STXBP5L: variants seen among roughly 807,000 people sequenced by gnomAD.
STXBP5L encodes the protein syntaxin-binding protein 5-like.
In STXBP5L, 65 loss-of-function variants were observed where a neutral mutation model predicts 144.5. That is an observed-to-expected ratio of 0.45 (90% CI 0.37 to 0.55). The LOEUF (loss-of-function observed/expected upper bound fraction) is 0.55, where lower values mean the gene tolerates loss of function less well. Among genes scored for constraint, STXBP5L ranks in the 20% least tolerant of loss-of-function variants. The pLI is 0.00. For synonymous variants in STXBP5L, 505 were observed against 469.6 expected (o/e 1.08, Z -0.97); for missense variants, 1,298 against 1,405.5 (o/e 0.92, Z 1.22).
At chr3:121,136,174 C>G (rs2045249319) in intron 7 of STXBP5L, among the ~76,000 whole-genome samples, 1 of 152,006 alleles carries the variant, frequency 6.6e-6, no homozygotes, top group South Asian at 2.1e-4. Flanking sequence ...TCCCTTTTTC[C>G]AACACCAGGC....
At chr3:121,050,324 T>G (rs566098312) in intron 5 of STXBP5L, among the ~76,000 whole-genome samples, 1 of 152,310 alleles carries the variant, frequency 6.6e-6, no homozygotes, top group South Asian at 2.1e-4. Flanking sequence ...TAGTCCTAAT[T>G]CTGGTTATTT....
At chr3:121,206,372 A>G (rs2048336113) in intron 10 of STXBP5L, among the ~76,000 whole-genome samples, 1 of 152,238 alleles carries the variant, frequency 6.6e-6, no homozygotes, top group Non-Finnish European at 1.5e-5. Context: ...CTATACTTTA[A>G]GATCTTACAT....
At chr3:120,960,507 C>T (rs1938643149) in intron 3 of STXBP5L, among the ~76,000 whole-genome samples, 1 of 152,166 alleles carries the variant, frequency 6.6e-6, no homozygotes, top group Non-Finnish European at 1.5e-5. Context: ...TTGGAACCAA[C>T]CCAAATGTCC....
intron 20 of STXBP5L, among the ~76,000 whole-genome samples, chr3:121,372,757 G>A (rs941298892): frequency 8.6e-5 from 13 of 151,816 alleles, no homozygotes; most frequent in African/African-American, 3.1e-4. Flanking sequence ...GGTGGGAGAT[G>A]TTCCCCTGGC....
At chr3:121,256,240 A>C (rs2050202624) in intron 16 of STXBP5L, among the ~76,000 whole-genome samples, 1 of 152,082 alleles carries the variant, frequency 6.6e-6, no homozygotes, top group South Asian at 2.1e-4. Context: ...AGCACTCAAT[A>C]ATTGGTAACT....
intron 11 of STXBP5L, among the ~76,000 whole-genome samples, chr3:121,227,932 CA>C (rs1316022800): frequency 2.0e-5 from 3 of 152,112 alleles, no homozygotes; most frequent in Non-Finnish European, 4.4e-5. Flanking sequence ...AATATCTGTA[CA>C]AGATGAGAGA....
Position 121,413,065 on chromosome 3 carries a change from C to A in STXBP5L, c.2949-93C>A, listed in dbSNP as rs182830672. 412 of 1,014,330 alleles carry A rather than the reference C, an allele frequency of 4.1e-4. 3 individuals are homozygous for A. The African/African-American group carries it at 5.6e-3, about 14-fold the overall frequency. The allele number at this position is 1,014,330 out of a possible 1,614,324, so 62.8% of individuals were successfully genotyped here. On this transcript the variant is annotated intron_variant, in intron 23 of 26. Coordinates refer to ENST00000471454, the MANE Select transcript of STXBP5L (RefSeq NM_001308330.2). The stretch of plus-strand genomic sequence containing the variant: ...AAATAAAAAAATAAAAAGAAACAAC[C>A]ATAAAATAATAGAATAAAAATTACT...
At chr3:121,197,455 C>T (rs886502836) in intron 9 of STXBP5L, among the ~76,000 whole-genome samples, 5 of 151,996 alleles carry the variant, frequency 3.3e-5, no homozygotes, top group African/African-American at 1.2e-4. Context: ...GATTTTTTAA[C>T]ATTAAATGAA....
At chr3:121,036,257 C>G (rs567318113) in intron 3 of STXBP5L, among the ~76,000 whole-genome samples, 2 of 152,092 alleles carry the variant, frequency 1.3e-5, no homozygotes, top group Admixed American at 6.6e-5. Context: ...CGCTTGAACC[C>G]AGGAGGCAGA....
chr3:121,195,015 A>G (rs1415145948), intron 9 of STXBP5L, among the ~76,000 whole-genome samples: 1 of 145,622 alleles, frequency 6.9e-6, no homozygotes, highest in Non-Finnish European at 1.5e-5. Flanking sequence ...TCCTACGTTC[A>G]AGTGATTCTT....
intron 24 of STXBP5L, among the ~76,000 whole-genome samples, chr3:121,413,794 T>G (rs1465778867): frequency 6.6e-6 from 1 of 152,220 alleles, no homozygotes; most frequent in Non-Finnish European, 1.5e-5. Flanking sequence ...AGAAACAGGA[T>G]AGATATAAAT....
At chr3:121,373,068 T>C (rs937930705) in intron 20 of STXBP5L, among the ~76,000 whole-genome samples, 2 of 152,236 alleles carry the variant, frequency 1.3e-5, no homozygotes, top group Non-Finnish European at 2.9e-5. Flanking sequence ...TATCTCAGTA[T>C]ATTAGGAACC....
At chr3:121,192,293 T>C (rs936874050) in intron 9 of STXBP5L, among the ~76,000 whole-genome samples, 4 of 152,108 alleles carry the variant, frequency 2.6e-5, no homozygotes, top group African/African-American at 9.7e-5. Flanking sequence ...CAAGGAGAAC[T>C]ACAAACCACT....
Position 121,278,916 on chromosome 3 carries a change from G to T in STXBP5L, c.1959-889G>T, listed in dbSNP as rs141786678. Among the ~76,000 whole-genome samples, 464 of 151,448 alleles carry T rather than the reference G, an allele frequency of 3.1e-3. 5 individuals carry two copies. Among genetic ancestry groups the T allele is most frequent in the African/African-American group, 0.011 (447 of 41,342 alleles). ...ATCTAGTATGGGTAGAAGTGTTGTTGTTGTTGTGTTTTAACTTGTGTAGTG... is the reference window on the plus strand; with the variant it reads ...ATCTAGTATGGGTAGAAGTGTTGTTTTTGTTGTGTTTTAACTTGTGTAGTG... On this transcript the variant is annotated intron_variant, in intron 18 of 26. Transcript: ENST00000471454.
intron 7 of STXBP5L, among the ~76,000 whole-genome samples, chr3:121,135,576 C>G (rs553220240): frequency 3.3e-5 from 5 of 152,154 alleles, no homozygotes; most frequent in African/African-American, 1.2e-4. Flanking sequence ...ACCTAGATCC[C>G]TTGCATGTGT....
Position 121,164,634 on chromosome 3 carries a change from G to T in STXBP5L, c.877+7007G>T, listed in dbSNP as rs1045108499. Among the ~76,000 whole-genome samples the T allele has an allele frequency of 1.2e-4, 18 of 152,292 alleles. 1 individual carries two copies. Among genetic ancestry groups the T allele is most frequent in the Admixed American group, 8.5e-4 (13 of 15,294 alleles). The stretch of plus-strand genomic sequence containing the variant: ...TCACAATAGCCAAGATATGGAAACA[G>T]CCTAAGTGTCTGTTGACTGATGCAT... On this transcript the variant is annotated intron_variant, in intron 9 of 26. Coordinates refer to ENST00000471454, the MANE Select transcript of STXBP5L (RefSeq NM_001308330.2).
chr3:120,972,188 G>T (rs1429418222), intron 3 of STXBP5L, among the ~76,000 whole-genome samples: 2 of 151,928 alleles, frequency 1.3e-5, no homozygotes, highest in African/African-American at 4.8e-5. Flanking sequence ...TAATGATATT[G>T]ATTCTTCCAA....
At chr3:121,336,069 C>G (rs906929631) in intron 20 of STXBP5L, among the ~76,000 whole-genome samples, 1 of 151,874 alleles carries the variant, frequency 6.6e-6, no homozygotes, top group African/African-American at 2.4e-5. Flanking sequence ...AAGCAAATTA[C>G]AAAAGCAAAC....
intron 9 of STXBP5L, among the ~76,000 whole-genome samples, chr3:121,204,490 C>T (rs867594988): frequency 2.0e-5 from 3 of 152,182 alleles, no homozygotes; most frequent in Admixed American, 6.5e-5. Context: ...TTGTTAATTC[C>T]TTGCCCTTTA....
Sources: allele counts gnomAD v4.1 joint callset (sites outside exome capture counted in the v4.1 genomes callset), GRCh38; gene constraint gnomAD v4.1.1; transcripts MANE v1.5; gene names NCBI Gene and HGNC (gene_info 2026-07-23, HGNC 2026-07-21).